SLC24A2: variants seen among roughly 807,000 people sequenced by gnomAD.
The protein encoded by SLC24A2 is solute carrier family 24 member 2, also known as sodium/potassium/calcium exchanger 2.
Under a neutral mutation model 62.0 loss-of-function variants are expected in SLC24A2, and 36 were observed. That is an observed-to-expected ratio of 0.58 (90% CI 0.44 to 0.77). SLC24A2 has a LOEUF of 0.77. Ranked by LOEUF, SLC24A2 falls within the 30% of genes least tolerant of loss-of-function variation. The probability of loss-of-function intolerance (pLI) is 0.00; values close to 1 mark genes in which losing one functional copy is unlikely to be tolerated. For synonymous variants in SLC24A2, 358 were observed against 294.0 expected, an observed-to-expected ratio of 1.22 and a Z score of -2.23; for missense variants, 846 against 817.9, an observed-to-expected ratio of 1.03 and a Z score of -0.42.
chr9:20,304,128 A>G, the SLC24A2 span, among the ~76,000 whole-genome samples: 1 of 152,080 alleles, frequency 6.6e-6, no homozygotes, highest in East Asian at 1.9e-4. Flanking sequence ...TTCAGTTTCC[A>G]CTCTGAAAAC....
the SLC24A2 span, among the ~76,000 whole-genome samples, chr9:20,150,360 T>G: frequency 3.3e-5 from 5 of 152,010 alleles, no homozygotes; most frequent in Non-Finnish European, 7.4e-5. Context: ...GGTTACCACA[T>G]ACATCATGGA....
chr9:20,047,518 AT>A, the SLC24A2 span, among the ~76,000 whole-genome samples: 1 of 149,582 alleles, frequency 6.7e-6, no homozygotes, highest in Middle Eastern at 3.4e-3. Context: ...TACAAAAGAA[AT>A]TTATTTCTTA....
chr9:20,202,691 A>G, the SLC24A2 span, among the ~76,000 whole-genome samples: 1 of 152,258 alleles, frequency 6.6e-6, no homozygotes, highest in East Asian at 1.9e-4. Flanking sequence ...GGGACTTGGA[A>G]GAAGAGGGGA....
At chr9:19,773,899 T>C (rs924157521) in intron 2 of SLC24A2, among the ~76,000 whole-genome samples, 1 of 152,198 alleles carries the variant, frequency 6.6e-6, no homozygotes, top group Non-Finnish European at 1.5e-5. Context: ...GTTTCAGAGA[T>C]AGGGAACTAT....
chr9:19,975,054 G>T, the SLC24A2 span, among the ~76,000 whole-genome samples: 895 of 152,176 alleles, frequency 5.9e-3, 17 homozygotes, highest in African/African-American at 0.02. Flanking sequence ...GCTAAAACTG[G>T]GTCACATGGT....
At position 19,513,055 on chromosome 9, in the gene SLC24A2, C is replaced by G. The variant is rs1295073968; in HGVS notation, c.*3098G>C. 6.6e-6 allele frequency: 1 copy of G among 150,960 alleles called. No homozygotes were observed. Among genetic ancestry groups the G allele is most frequent in the African/African-American group, 2.4e-5 (1 of 41,034 alleles). 9.4% of individuals were successfully genotyped at this position (150,960 alleles called of 1,614,324 possible). A position where few individuals can be genotyped will look rare whatever the true frequency, so the allele number is the denominator to read the frequency against. On this transcript the variant is annotated 3_prime_UTR_variant, in exon 11 of 11. Transcript: ENST00000341998. ...TGACTTTCCTTTTCCTTGACTTTGG[C>G]AAACTTGATGCTCCCTGCTTTAGAA...
At chr9:20,204,117 C>T in the SLC24A2 span, among the ~76,000 whole-genome samples, 6 of 152,104 alleles carry the variant, frequency 3.9e-5, no homozygotes, top group Non-Finnish European at 7.4e-5. Flanking sequence ...TCCTAAAAGC[C>T]AAAAATTATT....
chr9:19,535,065 A>G (rs924403817), intron 8 of SLC24A2, among the ~76,000 whole-genome samples: 6 of 152,122 alleles, frequency 3.9e-5, no homozygotes, highest in South Asian at 2.1e-4. Flanking sequence ...CTGGTATGAG[A>G]TAGTATCTCA....
the SLC24A2 span, among the ~76,000 whole-genome samples, chr9:19,860,475 C>T: frequency 1.3e-5 from 2 of 152,150 alleles, no homozygotes; most frequent in Non-Finnish European, 2.9e-5. Context: ...TGGTAAGACA[C>T]TGAGACTTGA....
upstream of SLC24A2, among the ~76,000 whole-genome samples, chr9:19,789,640 T>G (rs1304276146): frequency 6.6e-6 from 1 of 152,230 alleles, no homozygotes; most frequent in Non-Finnish European, 1.5e-5. Flanking sequence ...TCCAGCCCAG[T>G]GCTCCTTCCT....
At chr9:19,633,820 C>G (rs1241375091) in intron 2 of SLC24A2, among the ~76,000 whole-genome samples, 2 of 152,086 alleles carry the variant, frequency 1.3e-5, no homozygotes, top group African/African-American at 4.8e-5. Context: ...TTTATGGGTT[C>G]CTTGTATATT....
the SLC24A2 span, among the ~76,000 whole-genome samples, chr9:19,917,088 A>T: frequency 8.3e-6 from 1 of 120,920 alleles, no homozygotes; most frequent in African/African-American, 3.2e-5. Context: ...CTAAGTTTTT[A>T]TTCTTATTTT....
the SLC24A2 span, among the ~76,000 whole-genome samples, chr9:20,279,609 G>T: frequency 4.6e-5 from 7 of 152,228 alleles, no homozygotes; most frequent in African/African-American, 1.2e-4. Context: ...CATCAACAAT[G>T]TCTAACCAAG....
At chr9:19,874,946 T>C in the SLC24A2 span, among the ~76,000 whole-genome samples, 1 of 150,862 alleles carries the variant, frequency 6.6e-6, no homozygotes. Context: ...CTTCAGAGAG[T>C]TAGCTTAGTT....
chr9:20,245,257 A>G, the SLC24A2 span, among the ~76,000 whole-genome samples: 1 of 152,186 alleles, frequency 6.6e-6, no homozygotes, highest in East Asian at 1.9e-4. Context: ...AGGTGCTATA[A>G]CTGAGTTAAG....
At chr9:19,740,618 GT>G (rs1339877213) in intron 2 of SLC24A2, among the ~76,000 whole-genome samples, 1 of 152,144 alleles carries the variant, frequency 6.6e-6, no homozygotes, top group African/African-American at 2.4e-5. Context: ...CCCAATCCAG[GT>G]GGGGTTTACA....
the SLC24A2 span, among the ~76,000 whole-genome samples, chr9:20,177,002 A>C: frequency 1.3e-5 from 2 of 152,082 alleles, no homozygotes; most frequent in African/African-American, 2.4e-5. Flanking sequence ...CACAGTCTTT[A>C]CTATGCACTC....
chr9:19,704,185 C>T (rs1308690586), intron 2 of SLC24A2, among the ~76,000 whole-genome samples: 1 of 152,148 alleles, frequency 6.6e-6, no homozygotes, highest in Non-Finnish European at 1.5e-5. Flanking sequence ...TCTGGGGGAG[C>T]GCCTGAGATT....
the SLC24A2 span, among the ~76,000 whole-genome samples, chr9:20,253,236 G>C: frequency 6.6e-6 from 1 of 152,184 alleles, no homozygotes; most frequent in Non-Finnish European, 1.5e-5. Context: ...CCTGCTATAT[G>C]ATCTTAGTAT....
Sources: allele counts gnomAD v4.1 joint callset (sites outside exome capture counted in the v4.1 genomes callset), GRCh38; gene constraint gnomAD v4.1.1; transcripts MANE v1.5; gene names NCBI Gene and HGNC (gene_info 2026-07-23, HGNC 2026-07-21).